The following ST6GALNAC3 variants were observed in gnomAD, a reference collection of about 807,000 sequenced individuals.
The protein encoded by ST6GALNAC3 is alpha-N-acetylgalactosaminide alpha-2,6-sialyltransferase 3.
ST6GALNAC3 carries 25 observed loss-of-function variants against 32.7 expected under a neutral mutation model. That is an observed-to-expected ratio of 0.76 (90% CI 0.56 to 1.07). The LOEUF is 1.07. ST6GALNAC3 is among the 50% of genes least tolerant of loss of function. The probability of loss-of-function intolerance (pLI) is 0.00; values close to 1 mark genes in which losing one functional copy is unlikely to be tolerated. For synonymous variants in ST6GALNAC3, 129 were observed against 133.1 expected (o/e 0.97, Z 0.21); for missense variants, 355 against 382.4 (o/e 0.93, Z 0.60).
chr1:76,135,110 C>G (rs1649858241), intron 1 of ST6GALNAC3, among the ~76,000 whole-genome samples: 2 of 151,594 alleles, frequency 1.3e-5, no homozygotes, highest in Non-Finnish European at 2.9e-5. Context: ...CCACTGAACT[C>G]TAGCCTGGGC....
intron 1 of ST6GALNAC3, among the ~76,000 whole-genome samples, chr1:76,291,655 G>A (rs1660100858): frequency 6.6e-6 from 1 of 152,152 alleles, no homozygotes; most frequent in Non-Finnish European, 1.5e-5. Flanking sequence ...GCTGGGATTG[G>A]TTAGTGTAGA....
At chr1:76,303,593 C>T (rs1011266606) in intron 1 of ST6GALNAC3, among the ~76,000 whole-genome samples, 2 of 151,990 alleles carry the variant, frequency 1.3e-5, no homozygotes, top group African/African-American at 4.8e-5. Context: ...GTTGCAAGTC[C>T]CTTCCACTAA....
chr1:76,356,776 G>A (rs920229618), intron 2 of ST6GALNAC3, among the ~76,000 whole-genome samples: 3 of 152,130 alleles, frequency 2.0e-5, no homozygotes, highest in Admixed American at 2.0e-4. Flanking sequence ...AGGGATCTTC[G>A]GTGCCTGAGC....
At chr1:76,264,396 T>C (rs1369250603) in intron 1 of ST6GALNAC3, among the ~76,000 whole-genome samples, 5 of 152,208 alleles carry the variant, frequency 3.3e-5, no homozygotes, top group African/African-American at 4.8e-5. Flanking sequence ...ATGAAAATAC[T>C]TGGGTTCACC....
At chr1:76,124,550 T>C (rs147020465) in intron 1 of ST6GALNAC3, among the ~76,000 whole-genome samples, 23 of 152,334 alleles carry the variant, frequency 1.5e-4, no homozygotes, top group Non-Finnish European at 3.1e-4. Flanking sequence ...AACAGGGAAC[T>C]GGCTCTGATT....
intron 1 of ST6GALNAC3, among the ~76,000 whole-genome samples, chr1:76,295,174 G>A (rs1022568444): frequency 6.6e-6 from 1 of 151,952 alleles, no homozygotes; most frequent in South Asian, 2.1e-4. Flanking sequence ...CCACCAGGGA[G>A]CCTGAGCAAT....
At chr1:76,437,381 G>A (rs1223138088) in intron 3 of ST6GALNAC3, among the ~76,000 whole-genome samples, 1 of 151,940 alleles carries the variant, frequency 6.6e-6, no homozygotes, top group Non-Finnish European at 1.5e-5. Context: ...TCATGTCATT[G>A]CCTCTCAGCA....
chr1:76,175,214 T>C (rs1652774849), intron 1 of ST6GALNAC3, among the ~76,000 whole-genome samples: 1 of 152,212 alleles, frequency 6.6e-6, no homozygotes, highest in African/African-American at 2.4e-5. Context: ...TTAAAGACTT[T>C]AGACATGTAT....
chr1:76,339,852 G>A (rs189284465), intron 2 of ST6GALNAC3, among the ~76,000 whole-genome samples: 13 of 152,252 alleles, frequency 8.5e-5, no homozygotes, highest in East Asian at 3.9e-4. Context: ...TAAGGCAACC[G>A]GAGTCCACAT....
At chr1:76,076,379 AGACATTTGG>A (rs1646816373) in intron 1 of ST6GALNAC3, among the ~76,000 whole-genome samples, 1 of 152,212 alleles carries the variant, frequency 6.6e-6, no homozygotes, top group Non-Finnish European at 1.5e-5. Flanking sequence ...CACTGCTTTC[AGACATTTGG>A]GACATATCTG....
intron 2 of ST6GALNAC3, among the ~76,000 whole-genome samples, chr1:76,329,061 T>A (rs1297006538): frequency 6.6e-6 from 1 of 152,178 alleles, no homozygotes; most frequent in African/African-American, 2.4e-5. Context: ...TAATCCTACC[T>A]AGAGGTTGGG....
intron 3 of ST6GALNAC3, among the ~76,000 whole-genome samples, chr1:76,474,677 T>C (rs982605366): frequency 4.6e-5 from 7 of 152,148 alleles, no homozygotes; most frequent in African/African-American, 1.4e-4. Flanking sequence ...TCAGCTCTAC[T>C]TCCCTGTTGT....
At chr1:76,134,175 T>A (rs17098150) in intron 1 of ST6GALNAC3, among the ~76,000 whole-genome samples, 2,756 of 152,346 alleles carry the variant, frequency 0.018, 87 homozygotes, top group African/African-American at 0.064. Flanking sequence ...GGCAATCCTG[T>A]GGAATGGCGG....
intron 2 of ST6GALNAC3, 72 bp from the exon 3 acceptor site, chr1:76,411,936 T>C: frequency 6.6e-7 from 1 of 1,504,460 alleles, no homozygotes; most frequent in Non-Finnish European, 9.0e-7. Context: ...TATGAACTTT[T>C]GTTTTCCCAT....
intron 3 of ST6GALNAC3, among the ~76,000 whole-genome samples, chr1:76,596,276 T>C (rs1307538822): frequency 6.6e-6 from 1 of 152,158 alleles, no homozygotes; most frequent in Non-Finnish European, 1.5e-5. Flanking sequence ...TTACTTATCA[T>C]GTAGAATTAT....
At chr1:76,236,733 A>C (rs971417828) in intron 1 of ST6GALNAC3, among the ~76,000 whole-genome samples, 1 of 152,176 alleles carries the variant, frequency 6.6e-6, no homozygotes, top group Non-Finnish European at 1.5e-5. Context: ...GGTTTTAAAA[A>C]TTCATACCTC....
chr1:76,413,004 G>T (rs1203842001), intron 3 of ST6GALNAC3: 1 of 344,380 alleles, frequency 2.9e-6, no homozygotes, highest in South Asian at 2.4e-5. Context: ...AAGAAATGAG[G>T]TATAAATACT....
rs145556539 is a variant in ST6GALNAC3 at position 76,490,573 on chromosome 1, A to G, written c.623+78156A>G. On this transcript the variant is annotated intron_variant, in intron 3 of 4. Transcript: ENST00000328299. ...ACAACTTGCGGAATGCAATAAAATTATTTTGCCACCTCTCCCTTTAAAATA... is the reference window on the plus strand; with the variant it reads ...ACAACTTGCGGAATGCAATAAAATTGTTTTGCCACCTCTCCCTTTAAAATA... Among the ~76,000 whole-genome samples, 1,010 of 151,360 alleles carry G rather than the reference A, an allele frequency of 6.7e-3. 8 individuals carry two copies. The highest frequency in any genetic ancestry group is 0.018 in the South Asian group (88 of 4,818).
At chr1:76,487,668 C>T (rs1002148739) in intron 3 of ST6GALNAC3, among the ~76,000 whole-genome samples, 5 of 152,096 alleles carry the variant, frequency 3.3e-5, no homozygotes, top group Admixed American at 6.6e-5. Flanking sequence ...GAGATGGGTT[C>T]GAACTTCCTC....
Sources: allele counts gnomAD v4.1 joint callset (sites outside exome capture counted in the v4.1 genomes callset), GRCh38; gene constraint gnomAD v4.1.1; transcripts MANE v1.5; gene names NCBI Gene and HGNC (gene_info 2026-07-23, HGNC 2026-07-21).